The following GGN variants were observed in gnomAD, a reference collection of about 807,000 sequenced individuals.
GGN encodes the protein gametogenetin.
In GGN, 27 loss-of-function variants were observed where a neutral mutation model predicts 35.5. The ratio of observed to expected loss-of-function variants is 0.76; its 90% confidence interval spans 0.56 to 1.05. The LOEUF (loss-of-function observed/expected upper bound fraction) is 1.05. Among genes scored for constraint, GGN ranks in the 50% least tolerant of loss-of-function variants. GGN has a pLI of 0.00. For missense variants in GGN, 1,006 were observed against 940.7 expected, an observed-to-expected ratio of 1.07 and a Z score of -0.91; for synonymous variants, 425 against 444.1, an observed-to-expected ratio of 0.96 and a Z score of 0.54.
Position 38,386,849 on chromosome 19 carries a change from C to T in GGN, c.413G>A (p.Ser138Asn), listed in dbSNP as rs1228848813. ...CGGCGGCGGCTTCAGCGGGCGGAGG[C>T]TCGGAGGGTCGCCCTGGCCGCGATG... The part of the protein sequence containing the change: ...ASHRGQGDPP[S>N]LRPLKPPPPP... The change falls in exon 3 of 4, where the codon AGC becomes AAC. Residue 138 changes from serine (S) to asparagine (N), a missense_variant. By Grantham distance (46) the Ser-to-Asn change is conservative. Coordinates refer to ENST00000334928, the MANE Select transcript of GGN (RefSeq NM_152657.4). 4.4e-6 allele frequency: 7 copies of T among 1,601,086 alleles called. No homozygotes were observed. The highest frequency in any genetic ancestry group is 1.1e-5 in the South Asian group (1 of 90,044).
chr19:38,387,280 A>G lies in GGN; in HGVS notation c.-19T>C, dbSNP rs1244841797. The G allele has an allele frequency of 6.4e-7, 1 of 1,561,650 alleles. No individual in the cohort carries two copies. The highest frequency in any genetic ancestry group is 8.6e-7 in the Non-Finnish European group (1 of 1,157,744). On this transcript the variant is annotated splice_region_variant and 5_prime_UTR_variant, in exon 3 of 4. Coordinates refer to ENST00000334928, the MANE Select transcript of GGN (RefSeq NM_152657.4). The surrounding 1 kb of genome is among the most constrained non-coding windows in gnomAD (Gnocchi z 5.3). ...TCCCCATTTCTGACGGAGCTCGGAG[A>G]CTAGTCAGAAAAATTTACTCCAGTC...
intron 3 of GGN, 79 bp downstream of exon 3, chr19:38,385,342 T>G: frequency 6.3e-7 from 1 of 1,584,460 alleles, no homozygotes. Context: ...CATTCTAGGG[T>G]CAGGAAGCCA....
Position 38,385,615 on chromosome 19 carries a change from G to A in GGN, c.1647C>T (p.Arg549=). 1.2e-6 allele frequency: 2 copies of A among 1,614,120 alleles called. No individual in the cohort carries two copies. The highest frequency in any genetic ancestry group is 1.7e-6 in the Non-Finnish European group (2 of 1,180,002). ...RKDGLHGDGP[R]ERATATVPDS... ...CAGGCACGGTAGCTGTAGCTCGTTC[G>A]CGAGGACCATCTCCATGCAAGCCAT... Residue 549 remains arginine, a synonymous_variant, in exon 3 of 4, where the codon CGC becomes CGT. Coordinates refer to ENST00000334928, the MANE Select transcript of GGN (RefSeq NM_152657.4).
At position 38,384,361 on chromosome 19, in the gene GGN, G is replaced by A. The variant is rs576596853; in HGVS notation, c.*51C>T. 2.2e-6 allele frequency: 3 copies of A among 1,353,228 alleles called. No homozygotes were observed. In the East Asian group the frequency reaches 6.9e-5, roughly 31 times the overall value. 83.8% of individuals were successfully genotyped at this position (1,353,228 alleles called of 1,614,324 possible). On this transcript the variant is annotated 3_prime_UTR_variant, in exon 4 of 4. Transcript: ENST00000334928. The stretch of plus-strand genomic sequence containing the variant: ...TGACAGGCTGCTGGCATCTGGATTG[G>A]TTATTTTATTGGCATGGAGGGGAAG...
Position 38,386,915 on chromosome 19 carries a change from C to A in GGN, c.347G>T (p.Gly116Val). ...GCGGCGGATCCGGGGAACTGGAGTG[C>A]CCGCGGGCTTTTGCCATTTAGACGG... The part of the protein sequence containing the change: ...PGPSKWQKPA[G>V]TPVPRIRRLL... Residue 116 changes from glycine to valine, a missense_variant, in exon 3 of 4, where the codon GGC becomes GTC. Physicochemically the swap from Gly to Val is moderately radical, Grantham distance 109. Transcript: ENST00000334928. 1 of 1,552,694 alleles carries A rather than the reference C, an allele frequency of 6.4e-7. No homozygotes were observed.
intron 3 of GGN, 60 bp downstream of exon 3, chr19:38,385,361 A>G: frequency 6.2e-7 from 1 of 1,606,556 alleles, no homozygotes; most frequent in Non-Finnish European, 8.5e-7. Flanking sequence ...CAAAGGGCTG[A>G]GTAGGACTCT....
Position 38,386,939 on chromosome 19 carries a change from G to A in GGN, c.323C>T (p.Pro108Leu), listed in dbSNP as rs1296717895. ...GCCCGCGGGCTTTTGCCATTTAGACGGGCCGGGCAGCAGAGTCCCCGCGGG... is the reference window on the plus strand; with the variant it reads ...GCCCGCGGGCTTTTGCCATTTAGACAGGCCGGGCAGCAGAGTCCCCGCGGG... ...PAPAGTLLPG[P>L]SKWQKPAGTP... The change falls in exon 3 of 4, where the codon CCG (proline) becomes CTG (leucine). Residue 108 changes from proline to leucine, a missense_variant. Pro to Leu is a moderately conservative substitution (Grantham distance 98). Coordinates refer to ENST00000334928, the MANE Select transcript of GGN (RefSeq NM_152657.4). The A allele has an allele frequency of 1.9e-6, 3 of 1,545,982 alleles. No individual in the cohort carries two copies. Among genetic ancestry groups the A allele is most frequent in the South Asian group, 2.4e-5 (2 of 81,936 alleles).
rs1970751527 is a variant in GGN, at chr19:38,387,317, G to T, written c.-19-37C>A. ...AATTTACTCCAGTCAGCCTGCCAGG[G>T]CCGTGGGGACCCTACGAGGCTGGCT... On this transcript the variant is annotated intron_variant, in intron 2 of 3. Coordinates refer to ENST00000334928, the MANE Select transcript of GGN (RefSeq NM_152657.4). This position sits in a 1 kb window ranked among gnomAD's most constrained non-coding sequence, Gnocchi z 5.3. The T allele has an allele frequency of 6.6e-7, 1 of 1,511,980 alleles. No individual in the cohort carries two copies. The highest frequency in any genetic ancestry group is 1.4e-5 in the African/African-American group (1 of 72,552). The allele number at this position is 1,511,980 out of a possible 1,614,324, so 93.7% of individuals were successfully genotyped here.
In GGN at chr19:38,384,535, G is replaced by C. The variant is rs753803222; in HGVS notation, c.1842-6C>G. 5 of 1,610,766 alleles carry C rather than the reference G, an allele frequency of 3.1e-6. No homozygotes were observed. Among genetic ancestry groups the C allele is most frequent in the Admixed American group, 1.7e-5 (1 of 60,000 alleles). On this transcript the variant is annotated splice_region_variant and splice_polypyrimidine_tract_variant and intron_variant, in intron 3 of 3. Coordinates refer to ENST00000334928, the MANE Select transcript of GGN (RefSeq NM_152657.4). ...GGTTGGTGGATGTGCTCAGCCTAGT[G>C]GGGGAGGGTAGAGTCAGCAAAGCCC...
chr19:38,386,701 T>G lies in GGN; in HGVS notation c.561A>C (p.Arg187Ser), dbSNP rs769325533. The part of the protein sequence containing the change: ...LPSERQPADR[R>S]ITPALATPAS... ...CGGGTGTGGCCAGAGCAGGAGTGAT[T>G]CTGCGGTCCGCCGGCTGCCGTTCAG... The change falls in exon 3 of 4, where the codon AGA (arginine) becomes AGC (serine). Residue 187 changes from arginine (R) to serine (S), a missense_variant. Coordinates refer to ENST00000334928, the MANE Select transcript of GGN (RefSeq NM_152657.4). 27 of 1,606,240 alleles carry G rather than the reference T, an allele frequency of 1.7e-5. No individual in the cohort carries two copies. Among genetic ancestry groups the G allele is most frequent in the Non-Finnish European group, 2.3e-5 (27 of 1,175,264 alleles).
In GGN at chr19:38,386,710, C is replaced by T. The variant is rs374672414; in HGVS notation, c.552G>A (p.Ala184=). Residue 184 remains alanine (A), a synonymous_variant, in exon 3 of 4, where the codon GCG becomes GCA. Coordinates refer to ENST00000334928, the MANE Select transcript of GGN (RefSeq NM_152657.4). ...CCAGAGCAGGAGTGATTCTGCGGTC[C>T]GCCGGCTGCCGTTCAGAAGGTAATG... ...PPPLPSERQP[A]DRRITPALAT... 646 of 1,605,624 alleles carry T rather than the reference C, an allele frequency of 4.0e-4. 1 individual carries two copies. The highest frequency in any genetic ancestry group is 5.0e-4 in the Non-Finnish European group (584 of 1,174,952).
chr19:38,387,080 A>G lies in GGN; in HGVS notation c.182T>C (p.Met61Thr), dbSNP rs1275866286. 3 of 1,558,298 alleles carry G rather than the reference A, an allele frequency of 1.9e-6. No homozygotes were observed. Among genetic ancestry groups the G allele is most frequent in the African/African-American group, 2.7e-5 (2 of 73,382 alleles). ...FPGSATPPGL[M>T]VPREPQASPS... ...TGAGGCCTGGGGCTCCCGGGGTACC[A>G]TGAGTCCCGGGGGTGTGGCGCTGCC... Residue 61 changes from methionine (M) to threonine (T), a missense_variant, in exon 3 of 4, where the codon ATG (methionine) becomes ACG (threonine). Transcript: ENST00000334928. The surrounding 1 kb of genome is among the most constrained non-coding windows in gnomAD (Gnocchi z 5.3).
Position 38,386,938 on chromosome 19 carries a change from C to G in GGN, c.324G>C (p.Pro108=). 1 of 1,545,856 alleles carries G rather than the reference C, an allele frequency of 6.5e-7. No individual in the cohort carries two copies. Among genetic ancestry groups the G allele is most frequent in the Non-Finnish European group, 8.7e-7 (1 of 1,146,102 alleles). ...PAPAGTLLPG[P]SKWQKPAGTP... ...TGCCCGCGGGCTTTTGCCATTTAGA[C>G]GGGCCGGGCAGCAGAGTCCCCGCGG... is the stretch of plus-strand genomic sequence containing the variant. The change falls in exon 3 of 4, where the codon CCG becomes CCC. Residue 108 remains proline, a synonymous_variant. Coordinates refer to ENST00000334928, the MANE Select transcript of GGN (RefSeq NM_152657.4).
In GGN at chr19:38,384,380, G is replaced by A. The variant is rs1321181876; in HGVS notation, c.*32C>T. ...GGATTGGTTATTTTATTGGCATGGA[G>A]GGGAAGGTGGAGGGTGTTGAGCCGA... On this transcript the variant is annotated 3_prime_UTR_variant, in exon 4 of 4. Transcript: ENST00000334928. The A allele has an allele frequency of 6.1e-6, 9 of 1,469,972 alleles. No individual in the cohort carries two copies. Among genetic ancestry groups the A allele is most frequent in the African/African-American group, 2.8e-5 (2 of 71,962 alleles). 91.1% of individuals were successfully genotyped at this position (1,469,972 alleles called of 1,614,324 possible).
Position 38,384,331 on chromosome 19 carries a change from G to T in GGN, c.*81C>A. 1 of 1,028,898 alleles carries T rather than the reference G, an allele frequency of 9.7e-7. No homozygotes were observed. Among genetic ancestry groups the T allele is most frequent in the Non-Finnish European group, 1.5e-6 (1 of 658,948 alleles). 63.7% of individuals were successfully genotyped at this position (1,028,898 alleles called of 1,614,324 possible). ...TGCACCCTACCCACTGCCTTGGCGAGTGATTGACAGGCTGCTGGCATCTGG... is the reference window on the plus strand; with the variant it reads ...TGCACCCTACCCACTGCCTTGGCGATTGATTGACAGGCTGCTGGCATCTGG... On this transcript the variant is annotated 3_prime_UTR_variant, in exon 4 of 4. Coordinates refer to ENST00000334928, the MANE Select transcript of GGN (RefSeq NM_152657.4).
In GGN at chr19:38,387,021, A is replaced by G; in HGVS notation, c.241T>C (p.Ser81Pro). Residue 81 changes from serine to proline, a missense_variant, in exon 3 of 4, where the codon TCT becomes CCT. Transcript: ENST00000334928. This position sits in a 1 kb window ranked among gnomAD's most constrained non-coding sequence, Gnocchi z 5.3. ...TCTTCAGGAGGGGGCATCACTGGAGAGGGCCGTTCTAAGGTGAGGGGCAGG... is the reference window on the plus strand; with the variant it reads ...TCTTCAGGAGGGGGCATCACTGGAGGGGGCCGTTCTAAGGTGAGGGGCAGG... Reference protein sequence around the residue: ...STLPLTLERPSPVMPPPEEAA... With the variant: ...STLPLTLERPPPVMPPPEEAA... The G allele has an allele frequency of 1.3e-6, 2 of 1,546,626 alleles. No individual in the cohort carries two copies. Among genetic ancestry groups the G allele is most frequent in the Non-Finnish European group, 1.7e-6 (2 of 1,144,814 alleles).
Position 38,387,036 on chromosome 19 carries a change from T to TGAGG in GGN, c.222_225dup (p.Thr76ProfsTer14). On this transcript the variant is annotated frameshift_variant, in exon 3 of 4. Transcript: ENST00000334928. LOFTEE classifies it high-confidence loss of function. This position sits in a 1 kb window ranked among gnomAD's most constrained non-coding sequence, Gnocchi z 5.3. Reference sequence around the variant, plus strand: ...ATCACTGGAGAGGGCCGTTCTAAGGTGAGGGGCAGGGTCGAGGGTGAGGCC... The same window carrying TGAGG: ...ATCACTGGAGAGGGCCGTTCTAAGGTGAGGGAGGGGCAGGGTCGAGGGTGAGGCC... 6.4e-7 allele frequency: 1 copy of TGAGG among 1,552,564 alleles called. No homozygotes were observed. Among genetic ancestry groups the TGAGG allele is most frequent in the Non-Finnish European group, 8.7e-7 (1 of 1,147,994 alleles).
chr19:38,385,791 C>CCGG lies in GGN; in HGVS notation c.1470_1471insCCG (p.Ala490_Asp491insPro). 6.5e-7 allele frequency: 1 copy of CCGG among 1,548,738 alleles called. No individual in the cohort carries two copies. Among genetic ancestry groups the CCGG allele is most frequent in the African/African-American group, 1.4e-5 (1 of 73,432 alleles). On this transcript the variant is annotated inframe_insertion, in exon 3 of 4. Transcript: ENST00000334928. ...GCCGGGGATGGGGCCGGGGCCTGGT[C>CCGG]GGCGGCTAAGGCTGGGGGCAGAGCA...
Position 38,386,049 on chromosome 19 carries a change from TC to T in GGN, c.1212del (p.Arg405GlyfsTer84), listed in dbSNP as rs781666434. On this transcript the variant is annotated frameshift_variant, in exon 3 of 4. Coordinates refer to ENST00000334928, the MANE Select transcript of GGN (RefSeq NM_152657.4). LOFTEE classifies it high-confidence loss of function. Reference sequence around the variant, plus strand: ...GGCGCCAGCAGGGCAGGTGCGGGCCTCCGGGGCCCGGGAGCTGAGTGTATCT... The same window carrying T: ...GGCGCCAGCAGGGCAGGTGCGGGCCTCGGGGCCCGGGAGCTGAGTGTATCT... ...PEQIHSAPGP[R>X]RPAPALLAPP... 1 of 1,597,048 alleles carries T rather than the reference TC, an allele frequency of 6.3e-7. No individual in the cohort carries two copies. The highest frequency in any genetic ancestry group is 1.7e-5 in the Admixed American group (1 of 57,824).
Sources: gnomAD v4.1 joint callset for allele counts on GRCh38, gnomAD v4.1.1 for gene constraint, Gnocchi (gnomAD v3.1) non-coding constraint, MANE v1.5 for transcripts, NCBI Gene and HGNC (gene_info 2026-07-23, HGNC 2026-07-21) for gene names.